The following CLVS1 variants were observed in gnomAD, a reference collection of about 807,000 sequenced individuals.
The protein encoded by CLVS1 is clavesin 1, also known as clavesin-1.
Under a neutral mutation model 33.1 loss-of-function variants are expected in CLVS1, and 10 were observed. The ratio of observed to expected loss-of-function variants is 0.30; its 90% CI spans 0.19 to 0.51. The LOEUF is 0.51. Ranked by LOEUF, CLVS1 falls within the 20% of genes least tolerant of loss-of-function variation. CLVS1 has a pLI of 0.97. For missense variants in CLVS1, 343 were observed against 433.4 expected, an observed-to-expected ratio of 0.79 and a Z score of 1.85; for synonymous variants, 163 against 166.1, an observed-to-expected ratio of 0.98 and a Z score of 0.14.
intron 2 of CLVS1, among the ~76,000 whole-genome samples, chr8:61,260,142 A>G (rs118031766): frequency 0.01 from 1,538 of 152,176 alleles, 10 homozygotes; most frequent in Non-Finnish European, 0.016. Context: ...TTATTACTCT[A>G]TTCTGGTTCC....
intron 2 of CLVS1, chr8:61,202,301 C>T (rs890593069): frequency 3.1e-6 from 2 of 644,504 alleles, no homozygotes; most frequent in East Asian, 2.7e-5. Context: ...GAGCAGCATT[C>T]GTTTATCTTC....
chr8:61,218,554 T>A (rs1267598076), intron 2 of CLVS1, among the ~76,000 whole-genome samples: 1 of 151,732 alleles, frequency 6.6e-6, no homozygotes, highest in Non-Finnish European at 1.5e-5. Context: ...GATACAAAAT[T>A]ACCCTGATCT....
At chr8:61,286,346 G>A (rs1383419641), upstream of CLVS1, among the ~76,000 whole-genome samples, 1 of 152,140 alleles carries the variant, frequency 6.6e-6, no homozygotes, top group East Asian at 1.9e-4. Flanking sequence ...TGCTCCAGTG[G>A]TTATCAAAAA....
chr8:61,126,440 A>T (rs1805974897), intron 1 of CLVS1, among the ~76,000 whole-genome samples: 1 of 152,210 alleles, frequency 6.6e-6, no homozygotes, highest in Admixed American at 6.5e-5. Context: ...GCACGTAGTA[A>T]ATGGTCAATA....
At chr8:61,242,158 G>C (rs1490768874) in intron 2 of CLVS1, among the ~76,000 whole-genome samples, 2 of 151,910 alleles carry the variant, frequency 1.3e-5, no homozygotes, top group Non-Finnish European at 2.9e-5. Flanking sequence ...TCTAAGGCTT[G>C]CTGAGCTTCT....
chr8:61,395,979 A>G (rs1482987137), intron 3 of CLVS1, among the ~76,000 whole-genome samples: 1 of 152,192 alleles, frequency 6.6e-6, no homozygotes, highest in African/African-American at 2.4e-5. Context: ...CACACTTGTC[A>G]GTTATTTCTA....
chr8:61,165,612 C>G (rs571948832), intron 2 of CLVS1, among the ~76,000 whole-genome samples: 133 of 152,284 alleles, frequency 8.7e-4, no homozygotes, highest in African/African-American at 3.0e-3. Flanking sequence ...CTTAGTCAGC[C>G]TAGGAAATCC....
At chr8:61,331,823 TTCCTCCTCCTCC>T (rs71257360) in intron 2 of CLVS1, among the ~76,000 whole-genome samples, 3 of 141,986 alleles carry the variant, frequency 2.1e-5, no homozygotes, top group Admixed American at 7.0e-5. Context: ...CCTCCTCCTC[TTCCTCCTCCTCC>T]TCCTCCTCCT....
At chr8:61,287,705 G>A (rs776502006), upstream of CLVS1, among the ~76,000 whole-genome samples, 1 of 152,084 alleles carries the variant, frequency 6.6e-6, no homozygotes, top group Non-Finnish European at 1.5e-5. Context: ...ATAGGTTTGT[G>A]ATACTTTCTT....
intron 5 of CLVS1, among the ~76,000 whole-genome samples, chr8:61,463,139 C>G (rs1168787925): frequency 6.6e-6 from 1 of 152,208 alleles, no homozygotes; most frequent in Non-Finnish European, 1.5e-5. Flanking sequence ...CCTTAAGCCT[C>G]ATGAACCAAC....
At chr8:61,412,812 A>C (rs751373653) in intron 3 of CLVS1, among the ~76,000 whole-genome samples, 1 of 152,218 alleles carries the variant, frequency 6.6e-6, no homozygotes, top group Non-Finnish European at 1.5e-5. Flanking sequence ...AGGACCTTGA[A>C]TGTCAGCTAA....
At chr8:61,149,569 C>CAA (rs1212944878) in intron 2 of CLVS1, among the ~76,000 whole-genome samples, 2 of 120,274 alleles carry the variant, frequency 1.7e-5, no homozygotes, top group East Asian at 2.4e-4. Context: ...AAAAAAAAAA[C>CAA]AAAAAACAAA....
chr8:61,452,797 C>A (rs1164687319), intron 3 of CLVS1, among the ~76,000 whole-genome samples: 1 of 152,182 alleles, frequency 6.6e-6, no homozygotes, highest in Non-Finnish European at 1.5e-5. Flanking sequence ...TATTTAGCAC[C>A]TTTCTACTCT....
intron 2 of CLVS1, among the ~76,000 whole-genome samples, chr8:61,162,727 T>C (rs1487940476): frequency 1.3e-5 from 2 of 152,224 alleles, no homozygotes; most frequent in African/African-American, 4.8e-5. Context: ...TATCTTTCTG[T>C]GTTGTTTGTC....
At chr8:61,217,898 G>T (rs887669579) in intron 2 of CLVS1, among the ~76,000 whole-genome samples, 3 of 152,038 alleles carry the variant, frequency 2.0e-5, no homozygotes, top group East Asian at 3.9e-4. Context: ...AATATATGAA[G>T]AAAAACTTGA....
chr8:61,281,944 C>T (rs1236107136), intron 2 of CLVS1, among the ~76,000 whole-genome samples: 1 of 152,222 alleles, frequency 6.6e-6, no homozygotes. Flanking sequence ...AAATAACTAA[C>T]ACGCCATGAA....
chr8:61,434,967 T>C (rs1489262793), intron 3 of CLVS1, among the ~76,000 whole-genome samples: 1 of 152,186 alleles, frequency 6.6e-6, no homozygotes, highest in Non-Finnish European at 1.5e-5. Context: ...GGTCTAAATA[T>C]TTTTTCCTTG....
At chr8:61,485,519 T>C (rs1047887973) in intron 5 of CLVS1, among the ~76,000 whole-genome samples, 2 of 152,232 alleles carry the variant, frequency 1.3e-5, no homozygotes, top group African/African-American at 4.8e-5. Context: ...AGTTCAACCA[T>C]TGTGGAAGGC....
chr8:61,208,629 G>T (rs745683590), intron 2 of CLVS1, among the ~76,000 whole-genome samples: 3 of 150,922 alleles, frequency 2.0e-5, no homozygotes, highest in Admixed American at 6.6e-5. Context: ...TCACTCTGTC[G>T]CCAGGCTAGA....
Sources: allele counts gnomAD v4.1 joint callset (sites outside exome capture counted in the v4.1 genomes callset), GRCh38; gene constraint gnomAD v4.1.1; transcripts MANE v1.5; gene names NCBI Gene and HGNC (gene_info 2026-07-23, HGNC 2026-07-21).